TNS2: variants seen among roughly 807,000 people sequenced by gnomAD.
TNS2 encodes the protein tensin 2.
TNS2 carries 77 observed loss-of-function variants against 155.7 expected under a neutral mutation model. That is an observed-to-expected ratio of 0.49 (90% confidence interval 0.41 to 0.60). TNS2 has a LOEUF of 0.60. Among genes scored for constraint, TNS2 ranks in the 20% least tolerant of loss-of-function variants. The pLI is 0.00. For missense variants in TNS2, 1,703 were observed against 1,868.8 expected (o/e 0.91, Z 1.64); for synonymous variants, 726 against 763.9 (o/e 0.95, Z 0.82).
chr12:53,056,885 T>A (rs1376139485), intron 10 of TNS2, 128 bp from the exon 11 acceptor site: 2 of 833,226 alleles, frequency 2.4e-6, no homozygotes, highest in Non-Finnish European at 3.8e-6. Flanking sequence ...CTCATTCTCA[T>A]TACCACTACT....
intron 2 of TNS2, 35 bp downstream of exon 2, chr12:53,051,998 C>CA: frequency 6.6e-7 from 1 of 1,524,922 alleles, no homozygotes; most frequent in Non-Finnish European, 9.0e-7. Flanking sequence ...TGAGACCCTC[C>CA]ACCCAGTACC....
intron 6 of TNS2, 44 bp from the exon 7 acceptor site, chr12:53,054,226 G>C: frequency 6.2e-7 from 1 of 1,608,962 alleles, no homozygotes; most frequent in Non-Finnish European, 8.5e-7. Flanking sequence ...AGCCACCTCC[G>C]GGTGCCCCGC....
intron 10 of TNS2, 138 bp downstream of exon 10, chr12:53,055,983 T>G: frequency 1.2e-6 from 1 of 822,322 alleles, no homozygotes; most frequent in Non-Finnish European, 1.9e-6. Flanking sequence ...ACCTCCCTTT[T>G]ATCACTAGTA....
chr12:53,058,308 T>C lies in TNS2; in HGVS notation c.1096-8T>C. On this transcript the variant is annotated splice_polypyrimidine_tract_variant and splice_region_variant and intron_variant, in intron 14 of 28. Transcript: ENST00000314250. ...GGCCTGATCCGCAGCCTCCTGCCTT[T>C]CTCCCAGGTAACATGTTATCACAAG... 1.2e-6 allele frequency: 2 copies of C among 1,613,892 alleles called. No individual in the cohort carries two copies. The highest frequency in any genetic ancestry group is 1.1e-5 in the South Asian group (1 of 91,054).
chr12:53,055,370 A>C (rs1052077318), intron 8 of TNS2, 134 bp downstream of exon 8: 15 of 1,169,370 alleles, frequency 1.3e-5, no homozygotes, highest in Non-Finnish European at 1.8e-5. Context: ...CCCATGATAT[A>C]TTACTGGAGA....
At position 53,055,856 on chromosome 12, in the gene TNS2, C is replaced by CA. The variant is rs1462193826; in HGVS notation, c.761+12dup. 6.2e-7 allele frequency: 1 copy of CA among 1,606,992 alleles called. No homozygotes were observed. Among genetic ancestry groups the CA allele is most frequent in the Non-Finnish European group, 8.5e-7 (1 of 1,175,116 alleles). On this transcript the variant is annotated intron_variant, in intron 10 of 28. Coordinates refer to ENST00000314250, the MANE Select transcript of TNS2 (RefSeq NM_170754.4). ...CAAGATCTCTGCAGGGTGAGGCTCC[C>CA]AGCGCCTGAGTAGCTGCTTCCCCAG...
At chr12:53,049,052 T>C, upstream of TNS2, 1 of 913,296 alleles carries the variant, frequency 1.1e-6, no homozygotes, top group East Asian at 2.7e-5. Context: ...TTAGGAAGAT[T>C]ACTCCCCCTT....
chr12:53,062,124 G>A (rs1168278746), intron 22 of TNS2, 29 bp from the exon 23 acceptor site: 1 of 1,613,542 alleles, frequency 6.2e-7, no homozygotes, highest in Admixed American at 1.7e-5. Flanking sequence ...GAATCCTAAA[G>A]CCGCAATCTT....
At chr12:53,056,078 G>A (rs551462010) in intron 10 of TNS2, 15 of 479,408 alleles carry the variant, frequency 3.1e-5, no homozygotes, top group Admixed American at 7.6e-5. Context: ...GAAATGGGCC[G>A]GGTGCGTTGG....
chr12:53,054,043 G>T lies in TNS2; in HGVS notation c.350+29G>T, dbSNP rs556995088. The T allele has an allele frequency of 2.1e-5, 34 of 1,613,816 alleles. No individual in the cohort carries two copies. The East Asian group carries it at 5.3e-4, about 25-fold the overall frequency. ...AGTGAGGGTGCTGGGGTGGTCCCAC[G>T]TGACCCCCTTTCCGCCGGCCCCACA... On this transcript the variant is annotated intron_variant, in intron 6 of 28. Coordinates refer to ENST00000314250, the MANE Select transcript of TNS2 (RefSeq NM_170754.4).
At chr12:53,055,529 T>G in intron 8 of TNS2, 39 bp from the exon 9 acceptor site, 1 of 1,565,778 alleles carries the variant, frequency 6.4e-7, no homozygotes, top group Non-Finnish European at 8.7e-7. Flanking sequence ...TCTCTGTTGG[T>G]GGCCCCCGGC....
At position 53,050,259 on chromosome 12, in the gene TNS2, G is replaced by C. The variant is rs774630066; in HGVS notation, c.74G>C (p.Arg25Thr). 6.2e-7 allele frequency: 1 copy of C among 1,604,406 alleles called. No homozygotes were observed. The highest frequency in any genetic ancestry group is 1.1e-5 in the South Asian group (1 of 89,552). Residue 25 changes from arginine (R) to threonine (T), a missense_variant and splice_region_variant, in exon 1 of 29, where the codon AGG (arginine) becomes ACG (threonine). By Grantham distance (71) the Arg-to-Thr change is moderately conservative. Transcript: ENST00000314250. The surrounding 1 kb of genome is among the most constrained non-coding windows in gnomAD (Gnocchi z 4.7). Reference protein sequence around the residue: ...GRRDSSRAASRPRKAEPHSFR... With the variant: ...GRRDSSRAASTPRKAEPHSFR... ...AGGGACAGCAGCCGGGCCGCAAGCA[G>C]GGTAGGAGTGCCCACCAGCTGGGCA...
rs1024810339 is a variant in TNS2 at position 53,051,848 on chromosome 12, C to T, written c.76-7C>T. ...ACTCACACCTCTGTTTGTCCCTCCA[C>T]CTTCAGCCTAGGAAAGCTGAGCCTC... is the stretch of plus-strand genomic sequence containing the variant. On this transcript the variant is annotated splice_region_variant and splice_polypyrimidine_tract_variant and intron_variant, in intron 1 of 28. Coordinates refer to ENST00000314250, the MANE Select transcript of TNS2 (RefSeq NM_170754.4). 1 of 1,609,894 alleles carries T rather than the reference C, an allele frequency of 6.2e-7. No homozygotes were observed. Among genetic ancestry groups the T allele is most frequent in the African/African-American group, 1.3e-5 (1 of 74,970 alleles).
At chr12:53,052,609 G>C in intron 3 of TNS2, 117 bp downstream of exon 3, 1 of 1,398,468 alleles carries the variant, frequency 7.2e-7, no homozygotes, top group East Asian at 2.3e-5. Flanking sequence ...CTCACCACTG[G>C]GGAACCCCTC....
rs1037609221 is a variant in TNS2, at chr12:53,053,551, G to T, written c.261+102G>T. 13 of 1,479,676 alleles carry T rather than the reference G, an allele frequency of 8.8e-6. No homozygotes were observed. The Admixed American group carries it at 2.2e-4, about 25-fold the overall frequency. 91.7% of individuals were successfully genotyped at this position (1,479,676 alleles called of 1,614,324 possible). A position where few individuals can be genotyped will look rare whatever the true frequency, so the allele number is the denominator to read the frequency against. ...GGGCCCCCAGGAGATGACCTTGAAC[G>T]GAGTGCTGTGGGTATTGCTCATCCT... On this transcript the variant is annotated intron_variant, in intron 4 of 28. Coordinates refer to ENST00000314250, the MANE Select transcript of TNS2 (RefSeq NM_170754.4).
At chr12:53,050,052 C>T (rs769290444), upstream of TNS2, 2 of 1,503,224 alleles carry the variant, frequency 1.3e-6, no homozygotes, top group South Asian at 1.3e-5. The surrounding 1 kb of genome is among the most constrained non-coding windows in gnomAD (Gnocchi z 4.7). Context: ...CCGGGCTTCT[C>T]CTCACACCAG....
In TNS2 at chr12:53,058,653, T is replaced by C. The variant is rs1402776213; in HGVS notation, c.1291+16T>C. ...AAGATCAAAGGTAAGAGCAGGGACATGGGCTGGGGACTGAGGGCCGCCTCT... is the reference window on the plus strand; with the variant it reads ...AAGATCAAAGGTAAGAGCAGGGACACGGGCTGGGGACTGAGGGCCGCCTCT... On this transcript the variant is annotated intron_variant, in intron 16 of 28. Coordinates refer to ENST00000314250, the MANE Select transcript of TNS2 (RefSeq NM_170754.4). 1.2e-6 allele frequency: 2 copies of C among 1,613,866 alleles called. No homozygotes were observed. The highest frequency in any genetic ancestry group is 1.7e-5 in the Admixed American group (1 of 59,992).
At position 53,055,688 on chromosome 12, in the gene TNS2, A is replaced by C; in HGVS notation, c.694A>C (p.Lys232Gln). 6.2e-7 allele frequency: 1 copy of C among 1,614,186 alleles called. No individual in the cohort carries two copies. Among genetic ancestry groups the C allele is most frequent in the Non-Finnish European group, 8.5e-7 (1 of 1,180,034 alleles). ...ACAGCACGTGGTCGTACTATACTGCAAGGTGGGCCAGGACCTCGGGTTCCC... is the reference window on the plus strand; with the variant it reads ...ACAGCACGTGGTCGTACTATACTGCCAGGTGGGCCAGGACCTCGGGTTCCC... ...DPQHVVVLYC[K>Q]GNKGKLGVIV... The change falls in exon 9 of 29, where the codon AAG becomes CAG. Residue 232 changes from lysine to glutamine, a missense_variant and splice_region_variant. Physicochemically the swap from Lys to Gln is moderately conservative, Grantham distance 53. Transcript: ENST00000314250.
intron 11 of TNS2, 147 bp from the exon 12 acceptor site, chr12:53,057,420 A>C: frequency 1.4e-6 from 1 of 727,300 alleles, no homozygotes. Flanking sequence ...TTGAGGTTAG[A>C]TGCAAGGAAG....
Sources: allele counts gnomAD v4.1 joint callset, GRCh38; gene constraint gnomAD v4.1.1; non-coding constraint Gnocchi (gnomAD v3.1); transcripts MANE v1.5; gene names NCBI Gene and HGNC (gene_info 2026-07-23, HGNC 2026-07-21).